The following SH3RF3 variants were observed in gnomAD, a reference collection of about 807,000 sequenced individuals.
SH3RF3 encodes E3 ubiquitin-protein ligase SH3RF3.
A neutral mutation model predicts 66.3 loss-of-function variants in SH3RF3; 29 were observed. That is an observed-to-expected ratio of 0.44 (90% CI 0.33 to 0.60). SH3RF3 has a LOEUF of 0.60. Among genes scored for constraint, SH3RF3 ranks in the 20% least tolerant of loss-of-function variants. SH3RF3 has a pLI of 0.04. For missense variants in SH3RF3, 1,194 were observed against 1,190.9 expected, an observed-to-expected ratio of 1.00 and a Z score of -0.04; for synonymous variants, 583 against 532.0, an observed-to-expected ratio of 1.10 and a Z score of -1.32.
chr2:109,261,037 A>AAGGAG (rs1304355808), intron 1 of SH3RF3, among the ~76,000 whole-genome samples: 1 of 152,122 alleles, frequency 6.6e-6, no homozygotes, highest in Non-Finnish European at 1.5e-5. Flanking sequence ...TGTCTGCAGG[A>AAGGAG]AGGAGGTCAG....
chr2:109,490,728 G>A lies in SH3RF3; in HGVS notation c.2272G>A (p.Gly758Ser), dbSNP rs1257316992. 6.5e-7 allele frequency: 1 copy of A among 1,535,468 alleles called. No individual in the cohort carries two copies. The highest frequency in any genetic ancestry group is 8.7e-7 in the Non-Finnish European group (1 of 1,145,738). Residue 758 changes from glycine to serine, a missense_variant, in exon 9 of 10, where the codon GGT becomes AGT. Gly to Ser is a moderately conservative substitution (Grantham distance 56, BLOSUM62 0). Coordinates refer to ENST00000309415, the MANE Select transcript of SH3RF3 (RefSeq NM_001099289.3). The stretch of plus-strand genomic sequence containing the variant: ...GGTGGCCGTGGACGCCCTGCTCCAA[G>A]GTGCAGTGGGCCCCGAAGTGTCCTC... ...PQVAVDALLQGAVGPEVSSLS... is the reference protein window; with the variant it reads ...PQVAVDALLQSAVGPEVSSLS...
chr2:109,289,811 G>A (rs1403636387), intron 1 of SH3RF3, among the ~76,000 whole-genome samples: 1 of 152,098 alleles, frequency 6.6e-6, no homozygotes, highest in Non-Finnish European at 1.5e-5. Flanking sequence ...TAAAAACTGG[G>A]GAAATCGGGA....
chr2:109,438,143 G>A (rs1395240120), intron 7 of SH3RF3, among the ~76,000 whole-genome samples: 1 of 152,214 alleles, frequency 6.6e-6, no homozygotes, highest in Non-Finnish European at 1.5e-5. Flanking sequence ...GTGGAAAGAG[G>A]AGACAACACT....
chr2:109,182,865 A>C (rs796203011), intron 1 of SH3RF3, among the ~76,000 whole-genome samples: 41 of 152,354 alleles, frequency 2.7e-4, no homozygotes, highest in African/African-American at 9.4e-4. Flanking sequence ...TTCCATATGC[A>C]TATTGCCATA....
intron 7 of SH3RF3, among the ~76,000 whole-genome samples, chr2:109,444,790 T>C (rs1405374888): frequency 6.6e-6 from 1 of 152,066 alleles, no homozygotes; most frequent in Non-Finnish European, 1.5e-5. Flanking sequence ...ACATTAAGAT[T>C]TCAAAACACA....
chr2:109,181,586 A>G (rs1678076401), intron 1 of SH3RF3, among the ~76,000 whole-genome samples: 1 of 152,110 alleles, frequency 6.6e-6, no homozygotes, highest in Non-Finnish European at 1.5e-5. Context: ...ATTCCTCTTT[A>G]TTAAAAGTTA....
At chr2:109,182,720 G>A (rs1678099544) in intron 1 of SH3RF3, among the ~76,000 whole-genome samples, 1 of 152,116 alleles carries the variant, frequency 6.6e-6, no homozygotes, top group Admixed American at 6.5e-5. Context: ...TACTGCAGTG[G>A]TCTACATATA....
intron 1 of SH3RF3, among the ~76,000 whole-genome samples, chr2:109,174,123 T>C (rs1457126989): frequency 6.6e-6 from 1 of 152,232 alleles, no homozygotes; most frequent in Non-Finnish European, 1.5e-5. Flanking sequence ...ACAGCAGGGC[T>C]GTGCCATAGG....
At chr2:109,392,993 C>G (rs1271153284) in intron 3 of SH3RF3, among the ~76,000 whole-genome samples, 1 of 152,212 alleles carries the variant, frequency 6.6e-6, no homozygotes, top group Non-Finnish European at 1.5e-5. Flanking sequence ...TGCTTAGTCT[C>G]CTGAAGAATG....
chr2:109,159,452 A>G (rs752067040), intron 1 of SH3RF3, among the ~76,000 whole-genome samples: 2 of 152,206 alleles, frequency 1.3e-5, no homozygotes, highest in East Asian at 1.9e-4. Flanking sequence ...ATTACTGTGG[A>G]TTTTAGTGGG....
At chr2:109,434,987 C>T (rs1253721646) in intron 6 of SH3RF3, among the ~76,000 whole-genome samples, 1 of 152,190 alleles carries the variant, frequency 6.6e-6, no homozygotes, top group African/African-American at 2.4e-5. Flanking sequence ...GCCCGGTCCC[C>T]TCCCTCTACC....
chr2:109,247,886 G>A (rs375282516), intron 1 of SH3RF3, among the ~76,000 whole-genome samples: 3 of 152,162 alleles, frequency 2.0e-5, no homozygotes, highest in Non-Finnish European at 4.4e-5. Flanking sequence ...TAGCCTGGGC[G>A]TCTTCATGTG....
chr2:109,353,211 C>A (rs1029564672), intron 2 of SH3RF3, among the ~76,000 whole-genome samples: 1 of 152,248 alleles, frequency 6.6e-6, no homozygotes, highest in African/African-American at 2.4e-5. Flanking sequence ...TGGCCCCCGG[C>A]TCATTGCCTG....
intron 1 of SH3RF3, among the ~76,000 whole-genome samples, chr2:109,269,431 C>G (rs974434634): frequency 6.6e-6 from 1 of 152,178 alleles, no homozygotes; most frequent in Non-Finnish European, 1.5e-5. Context: ...TCCTCCTAAC[C>G]CTTTAAGAAT....
chr2:109,449,491 T>TA lies in SH3RF3; in HGVS notation c.2148+4dup. ...CTAGACGAGAAGAAAAGTGAAAAGG[T>TA]AAGAGGCCCATCCTGGACGAGCCCT... On this transcript the variant is annotated splice_region_variant and intron_variant, in intron 8 of 9. Transcript: ENST00000309415. The TA allele has an allele frequency of 1.2e-6, 2 of 1,613,366 alleles. No individual in the cohort carries two copies. The highest frequency in any genetic ancestry group is 1.7e-6 in the Non-Finnish European group (2 of 1,179,620).
intron 1 of SH3RF3, among the ~76,000 whole-genome samples, chr2:109,291,210 AG>A (rs1681169055): frequency 6.6e-6 from 1 of 152,136 alleles, no homozygotes; most frequent in Non-Finnish European, 1.5e-5. Flanking sequence ...AAATGCTGTC[AG>A]GATATTATGG....
chr2:109,260,668 C>T (rs757918557), intron 1 of SH3RF3, among the ~76,000 whole-genome samples: 5 of 152,116 alleles, frequency 3.3e-5, no homozygotes, highest in Non-Finnish European at 7.3e-5. Flanking sequence ...CAATGGAGGC[C>T]CATGGGAGAA....
chr2:109,141,869 G>A (rs1298582801), intron 1 of SH3RF3, among the ~76,000 whole-genome samples: 1 of 152,096 alleles, frequency 6.6e-6, no homozygotes, highest in African/African-American at 2.4e-5. Flanking sequence ...CCCCCCAGAT[G>A]TGCCAGTCTG....
intron 7 of SH3RF3, among the ~76,000 whole-genome samples, chr2:109,447,922 G>T (rs1356870750): frequency 6.6e-6 from 1 of 152,190 alleles, no homozygotes; most frequent in Non-Finnish European, 1.5e-5. Flanking sequence ...TGGAAGCCCG[G>T]TGCTTCGACA....
Sources: gnomAD v4.1 joint callset for allele counts (sites outside exome capture counted in the v4.1 genomes callset) on GRCh38, gnomAD v4.1.1 for gene constraint, MANE v1.5 for transcripts, NCBI Gene and HGNC (gene_info 2026-07-23, HGNC 2026-07-21) for gene names.